MYO5A: variants seen among roughly 807,000 people sequenced by gnomAD.
MYO5A encodes the protein unconventional myosin-Va.
Under a neutral mutation model 249.7 loss-of-function variants are expected in MYO5A, and 98 were observed. The observed-to-expected ratio is 0.39, with a 90% CI of 0.33 to 0.46. MYO5A has a LOEUF of 0.46. MYO5A is among the 20% of genes least tolerant of loss of function. The pLI, the probability that MYO5A is intolerant of heterozygous loss-of-function variation, is 0.98. For missense variants in MYO5A, 1,696 were observed against 2,308.8 expected (o/e 0.73, Z 5.44); for synonymous variants, 778 against 810.6 (o/e 0.96, Z 0.68).
intron 32 of MYO5A, among the ~76,000 whole-genome samples, 184 bp downstream of exon 32, chr15:52,340,012 T>C (rs575660865): frequency 2.1e-4 from 32 of 152,328 alleles, no homozygotes; most frequent in African/African-American, 7.7e-4. Flanking sequence ...AGAGAACCTG[T>C]GCCTTCTTCC....
chr15:52,337,770 G>T, intron 33 of MYO5A, 40 bp downstream of exon 33: 2 of 1,427,620 alleles, frequency 1.4e-6, no homozygotes, highest in Non-Finnish European at 1.9e-6. Flanking sequence ...GCTATAAGTA[G>T]CAAGGGAAGA....
At chr15:52,317,613 G>A (rs2038087118) in intron 39 of MYO5A, among the ~76,000 whole-genome samples, 1 of 152,180 alleles carries the variant, frequency 6.6e-6, no homozygotes, top group South Asian at 2.1e-4. Context: ...GGTGAGACTT[G>A]ATAATCCTTG....
Position 52,408,149 on chromosome 15 carries a change from T to C in MYO5A, c.757-9A>G, listed in dbSNP as rs761990887. The C allele has an allele frequency of 6.5e-6, 10 of 1,541,880 alleles. No individual in the cohort carries two copies. The highest frequency in any genetic ancestry group is 2.7e-5 in the African/African-American group (2 of 73,454). On this transcript the variant is annotated splice_polypyrimidine_tract_variant and intron_variant, in intron 6 of 41. Transcript: ENST00000399233. Reference sequence around the variant, plus strand: ...TTTCTCTCCTCTTCTGCCTTCGAAATAAGAAGAGTTTTCAATTACAGCATT... The same window carrying C: ...TTTCTCTCCTCTTCTGCCTTCGAAACAAGAAGAGTTTTCAATTACAGCATT...
At chr15:52,416,690 A>T (rs1325273790) in intron 4 of MYO5A, among the ~76,000 whole-genome samples, 2 of 152,226 alleles carry the variant, frequency 1.3e-5, no homozygotes, top group Non-Finnish European at 2.9e-5. Flanking sequence ...AAAGACAGTT[A>T]TTCAATTAAT....
chr15:52,507,070 G>C (rs1369244681), intron 1 of MYO5A, among the ~76,000 whole-genome samples: 1 of 152,090 alleles, frequency 6.6e-6, no homozygotes, highest in African/African-American at 2.4e-5. Flanking sequence ...GAAGATTTCT[G>C]GTTATATCAC....
intron 1 of MYO5A, among the ~76,000 whole-genome samples, chr15:52,470,615 A>G (rs1428182938): frequency 1.3e-5 from 2 of 151,844 alleles, no homozygotes; most frequent in Admixed American, 1.3e-4. Context: ...GCACCATTGC[A>G]CTCCAGCCTG....
intron 1 of MYO5A, among the ~76,000 whole-genome samples, chr15:52,459,570 T>C (rs2141404539): frequency 6.6e-6 from 1 of 152,360 alleles, no homozygotes; most frequent in African/African-American, 2.4e-5. Flanking sequence ...TCTACTTCTT[T>C]CTACACAGAC....
intron 1 of MYO5A, among the ~76,000 whole-genome samples, chr15:52,468,655 G>A (rs2076398998): frequency 6.6e-6 from 1 of 152,140 alleles, no homozygotes; most frequent in African/African-American, 2.4e-5. Flanking sequence ...TGGTGACAGA[G>A]ACAGACCCTG....
chr15:52,365,976 C>T (rs1472113618), intron 23 of MYO5A, among the ~76,000 whole-genome samples: 1 of 152,104 alleles, frequency 6.6e-6, no homozygotes. Context: ...TATTTTCTGG[C>T]TCCTTTTCTT....
intron 1 of MYO5A, among the ~76,000 whole-genome samples, chr15:52,513,034 G>C (rs2077424724): frequency 6.6e-6 from 1 of 151,678 alleles, no homozygotes; most frequent in Non-Finnish European, 1.5e-5. Context: ...AAGTATTCCA[G>C]ATGATTGCTA....
chr15:52,389,438 G>A, intron 12 of MYO5A, 75 bp from the exon 13 acceptor site: 3 of 1,427,494 alleles, frequency 2.1e-6, no homozygotes, highest in South Asian at 1.2e-5. Context: ...GCTGTCAAAA[G>A]ATCTTTTATT....
chr15:52,489,882 C>T (rs561607879), intron 1 of MYO5A, among the ~76,000 whole-genome samples: 1 of 152,202 alleles, frequency 6.6e-6, no homozygotes, highest in African/African-American at 2.4e-5. Flanking sequence ...CAATGATGAA[C>T]AACCTGATTT....
At chr15:52,313,895 T>G (rs374369750) in intron 41 of MYO5A, 47 bp from the exon 42 acceptor site, 2 of 1,602,294 alleles carry the variant, frequency 1.2e-6, no homozygotes, top group Non-Finnish European at 1.7e-6. Flanking sequence ...GTTCTTTGAA[T>G]CTAAAAGACT....
chr15:52,503,150 TC>T (rs1229147004), intron 1 of MYO5A, among the ~76,000 whole-genome samples: 1 of 152,308 alleles, frequency 6.6e-6, no homozygotes, highest in South Asian at 2.1e-4. Context: ...GTTACAATAA[TC>T]TACTGTATAT....
At chr15:52,401,204 G>A (rs1249556077) in intron 9 of MYO5A, among the ~76,000 whole-genome samples, 1 of 151,762 alleles carries the variant, frequency 6.6e-6, no homozygotes, top group Non-Finnish European at 1.5e-5. Flanking sequence ...CCATGTAGCT[G>A]GGATTATAGG....
intron 33 of MYO5A, among the ~76,000 whole-genome samples, chr15:52,336,999 G>T (rs2039151212): frequency 6.6e-6 from 1 of 152,214 alleles, no homozygotes; most frequent in African/African-American, 2.4e-5. Flanking sequence ...CTGTCTCTAT[G>T]AGAGCCACCC....
At chr15:52,465,727 C>T (rs2076339124) in intron 1 of MYO5A, among the ~76,000 whole-genome samples, 1 of 152,144 alleles carries the variant, frequency 6.6e-6, no homozygotes, top group Non-Finnish European at 1.5e-5. Context: ...GAAAAAGATA[C>T]ATCTTGAGAT....
At position 52,401,361 on chromosome 15, in the gene MYO5A, C is replaced by T. The variant is rs151277830; in HGVS notation, c.1054-3895G>A. ...CTGGGACTACAGGTGTGAGCTACCA[C>T]GCCTGGCCTCTCATAAGTTTTTAAT... On this transcript the variant is annotated intron_variant, in intron 9 of 41. Transcript: ENST00000399233. 5.3e-3 allele frequency among the ~76,000 whole-genome samples: 812 copies of T among 152,326 alleles called. 4 individuals are homozygous for T. The highest frequency in any genetic ancestry group is 9.9e-3 in the Admixed American group (151 of 15,300).
At chr15:52,398,092 T>C (rs1029344198) in intron 9 of MYO5A, among the ~76,000 whole-genome samples, 4 of 146,682 alleles carry the variant, frequency 2.7e-5, no homozygotes, top group African/African-American at 5.0e-5. Flanking sequence ...ATAGGAAGGA[T>C]TGAAGCTGAA....
Sources: allele counts gnomAD v4.1 joint callset (sites outside exome capture counted in the v4.1 genomes callset), GRCh38; gene constraint gnomAD v4.1.1; transcripts MANE v1.5; gene names NCBI Gene and HGNC (gene_info 2026-07-23, HGNC 2026-07-21).